RASL10B: variants seen among roughly 807,000 people sequenced by gnomAD.
The protein encoded by RASL10B is RAS like family 10 member B.
Under a neutral mutation model 20.7 loss-of-function variants are expected in RASL10B, and 10 were observed. The observed-to-expected ratio is 0.48, with a 90% CI of 0.30 to 0.82. RASL10B has a LOEUF of 0.82. Ranked by LOEUF, RASL10B falls within the 40% of genes least tolerant of loss-of-function variation. The pLI is 0.07. For missense variants in RASL10B, 231 were observed against 295.4 expected (o/e 0.78, Z 1.60); for synonymous variants, 110 against 123.3 (o/e 0.89, Z 0.72).
chr17:35,741,421 C>G lies in RASL10B; in HGVS notation c.*116C>G. On this transcript the variant is annotated 3_prime_UTR_variant, in exon 4 of 4. Coordinates refer to ENST00000603017, the MANE Select transcript of RASL10B (RefSeq NM_033315.4). ...GAACTGTGACGGTCCCGGCCTGAGGCCCCTGCAGCCACGCACCTCCCGGTG... is the reference window on the plus strand; with the variant it reads ...GAACTGTGACGGTCCCGGCCTGAGGGCCCTGCAGCCACGCACCTCCCGGTG... 7.5e-7 allele frequency: 1 copy of G among 1,325,534 alleles called. No individual in the cohort carries two copies. Among genetic ancestry groups the G allele is most frequent in the Non-Finnish European group, 9.7e-7 (1 of 1,031,362 alleles). 82.1% of individuals were successfully genotyped at this position (1,325,534 alleles called of 1,614,324 possible). A position where few individuals can be genotyped will look rare whatever the true frequency, so the allele number is the denominator to read the frequency against.
Position 35,742,074 on chromosome 17 carries a change from AC to A in RASL10B, c.*774del, listed in dbSNP as rs1242963502. 6.9e-6 allele frequency: 1 copy of A among 145,492 alleles called. No homozygotes were observed. The highest frequency in any genetic ancestry group is 1.5e-5 in the Non-Finnish European group (1 of 66,770). The allele number at this position is 145,492 out of a possible 1,614,324, so 9.0% of individuals were successfully genotyped here. A position where few individuals can be genotyped will look rare whatever the true frequency, so the allele number is the denominator to read the frequency against. On this transcript the variant is annotated 3_prime_UTR_variant, in exon 4 of 4. Transcript: ENST00000603017. ...CTCTTCCTGACCCCAAAGCCAGATC[AC>A]CCCCTGGGTTAAAACTTTTTTTCTT...
intron 2 of RASL10B, among the ~76,000 whole-genome samples, chr17:35,739,657 G>A (rs1293605834): frequency 2.0e-5 from 3 of 152,196 alleles, no homozygotes; most frequent in Admixed American, 6.5e-5. Context: ...TGAGGGCAGA[G>A]AGAAGCATAC....
At position 35,741,516 on chromosome 17, in the gene RASL10B, G is replaced by C. The variant is rs906151408; in HGVS notation, c.*211G>C. The C allele has an allele frequency of 1.4e-6, 1 of 698,174 alleles. No homozygotes were observed. The highest frequency in any genetic ancestry group is 2.1e-6 in the Non-Finnish European group (1 of 472,474). The allele number at this position is 698,174 out of a possible 1,614,324, so 43.2% of individuals were successfully genotyped here. A position where few individuals can be genotyped will look rare whatever the true frequency, so the allele number is the denominator to read the frequency against. ...GCCCCTTGCCCCCGTGGCTTCCTGG[G>C]ACAGCCGCCTTCAGTGCTGTATTTA... On this transcript the variant is annotated 3_prime_UTR_variant, in exon 4 of 4. Coordinates refer to ENST00000603017, the MANE Select transcript of RASL10B (RefSeq NM_033315.4).
intron 2 of RASL10B, among the ~76,000 whole-genome samples, chr17:35,738,109 T>C (rs2085606031): frequency 1.3e-5 from 2 of 152,294 alleles, no homozygotes; most frequent in South Asian, 4.1e-4. Context: ...ATTCTCCTTG[T>C]AGTCTCCATT....
In RASL10B at chr17:35,735,535, G is replaced by C; in HGVS notation, c.216+135G>C. 1.3e-6 allele frequency: 1 copy of C among 770,604 alleles called. No homozygotes were observed. Among genetic ancestry groups the C allele is most frequent in the Non-Finnish European group, 2.1e-6 (1 of 474,302 alleles). 47.7% of individuals were successfully genotyped at this position (770,604 alleles called of 1,614,324 possible). A position where few individuals can be genotyped will look rare whatever the true frequency, so the allele number is the denominator to read the frequency against. On this transcript the variant is annotated intron_variant, in intron 2 of 3. Coordinates refer to ENST00000603017, the MANE Select transcript of RASL10B (RefSeq NM_033315.4). The surrounding 1 kb of genome is among the most constrained non-coding windows in gnomAD (Gnocchi z 6.7). ...GTTTGGGAGCTCCACACTGCACCTT[G>C]GGCCACTCTGCTTAGAGCCGTTCCA...
chr17:35,740,596 G>C (rs1414590797), intron 3 of RASL10B, 63 bp downstream of exon 3: 2 of 1,578,636 alleles, frequency 1.3e-6, no homozygotes, highest in African/African-American at 1.3e-5. Context: ...GCCAGTCCCT[G>C]TGAAAAGGGC....
intron 1 of RASL10B, among the ~76,000 whole-genome samples, chr17:35,733,879 A>G (rs1262546393): frequency 2.6e-5 from 4 of 152,222 alleles, no homozygotes; most frequent in African/African-American, 9.6e-5. Context: ...ATGAATTCGT[A>G]TCAAGGCCCA....
Position 35,735,254 on chromosome 17 carries a change from T to C in RASL10B, c.70T>C (p.Phe24Leu). 6.2e-7 allele frequency: 1 copy of C among 1,613,726 alleles called. No homozygotes were observed. The highest frequency in any genetic ancestry group is 8.5e-7 in the Non-Finnish European group (1 of 1,180,016). ...GGGCAAGAGTGCCATCGTGCGCCAG[T>C]TCTTGTACAACGAGTTCAGCGAGGT... is the stretch of plus-strand genomic sequence containing the variant. ...GVGKSAIVRQ[F>L]LYNEFSEVCV... The change falls in exon 2 of 4, where the codon TTC (phenylalanine) becomes CTC (leucine). Residue 24 changes from phenylalanine (F) to leucine (L), a missense_variant. Phe to Leu is a conservative substitution (Grantham distance 22). Transcript: ENST00000603017. This position sits in a 1 kb window ranked among gnomAD's most constrained non-coding sequence, Gnocchi z 6.7.
intron 2 of RASL10B, 69 bp from the exon 3 acceptor site, chr17:35,740,340 G>A: frequency 6.3e-7 from 1 of 1,575,756 alleles, no homozygotes; most frequent in East Asian, 2.3e-5. Flanking sequence ...CCCTCTGATG[G>A]GAGGTGTTTG....
intron 2 of RASL10B, among the ~76,000 whole-genome samples, chr17:35,739,360 C>T (rs1466921055): frequency 1.3e-5 from 2 of 152,156 alleles, no homozygotes; most frequent in African/African-American, 4.8e-5. Flanking sequence ...TTCCTTTGTC[C>T]TTGGAGGCCT....
chr17:35,732,715 C>A (rs1380393376), intron 1 of RASL10B, among the ~76,000 whole-genome samples: 1 of 152,082 alleles, frequency 6.6e-6, no homozygotes, highest in African/African-American at 2.4e-5. Flanking sequence ...GTGTCCGCGA[C>A]AATCTGCAGG....
intron 2 of RASL10B, among the ~76,000 whole-genome samples, chr17:35,736,503 A>C (rs2085592839): frequency 6.6e-6 from 1 of 152,216 alleles, no homozygotes; most frequent in South Asian, 2.1e-4. Flanking sequence ...TGGGGTCAGG[A>C]GGAAAGATGG....
Position 35,735,123 on chromosome 17 carries a change from T to C in RASL10B, c.-62T>C. On this transcript the variant is annotated 5_prime_UTR_variant, in exon 2 of 4. Transcript: ENST00000603017. This position sits in a 1 kb window ranked among gnomAD's most constrained non-coding sequence, Gnocchi z 6.7. The stretch of plus-strand genomic sequence containing the variant: ...GTGGCTGAGCCCCCAGCCCCTGGAA[T>C]ATGCAGCCCGGGGGAGCCCCAGACA... The C allele has an allele frequency of 7.8e-6, 12 of 1,537,104 alleles. No homozygotes were observed. The highest frequency in any genetic ancestry group is 1.1e-5 in the Non-Finnish European group (12 of 1,128,300).
intron 1 of RASL10B, among the ~76,000 whole-genome samples, chr17:35,733,807 G>A (rs371521963): frequency 6.6e-6 from 1 of 152,252 alleles, no homozygotes. Flanking sequence ...ATGTGCAGAA[G>A]CATGGCTCCA....
At position 35,741,049 on chromosome 17, in the gene RASL10B, C is replaced by A. The variant is rs781912876; in HGVS notation, c.356C>A (p.Ser119Ter). 6.2e-7 allele frequency: 1 copy of A among 1,605,248 alleles called. No homozygotes were observed. ...TCGCCCCACAGGGTGATCGGAACCT[C>A]AGAGACGCCCATCATCATCGTGGGC... The part of the protein sequence containing the change: ...QILETRVIGT[S>*]ETPIIIVGNK... The change falls in exon 4 of 4, where the codon TCA becomes TAA. Residue 119 changes from serine (S) to a stop codon, truncating the protein, a stop_gained. Transcript: ENST00000603017. LOFTEE classifies it high-confidence loss of function.
At position 35,735,283 on chromosome 17, in the gene RASL10B, C is replaced by T. The variant is rs781797351; in HGVS notation, c.99C>T (p.Cys33=). 6 of 1,613,740 alleles carry T rather than the reference C, an allele frequency of 3.7e-6. No individual in the cohort carries two copies. Among genetic ancestry groups the T allele is most frequent in the South Asian group, 1.1e-5 (1 of 91,090 alleles). The change falls in exon 2 of 4, where the codon TGC becomes TGT. Residue 33 remains cysteine (C), a synonymous_variant. Transcript: ENST00000603017. This position sits in a 1 kb window ranked among gnomAD's most constrained non-coding sequence, Gnocchi z 6.7. ...TGTACAACGAGTTCAGCGAGGTCTG[C>T]GTCCCCACCACCGCCCGCCGCCTTT... ...QFLYNEFSEV[C]VPTTARRLYL... is the part of the protein sequence containing the mutation.
At chr17:35,734,141 C>T (rs909991892) in intron 1 of RASL10B, among the ~76,000 whole-genome samples, 7 of 152,208 alleles carry the variant, frequency 4.6e-5, no homozygotes, top group Non-Finnish European at 7.3e-5. Context: ...CCAAAATTAT[C>T]TGGGTGTGGT....
chr17:35,739,755 G>A (rs1046844099), intron 2 of RASL10B, among the ~76,000 whole-genome samples: 1 of 152,224 alleles, frequency 6.6e-6, no homozygotes, highest in African/African-American at 2.4e-5. Flanking sequence ...GAGCTCACCA[G>A]CCCAGGTAGT....
intron 1 of RASL10B, among the ~76,000 whole-genome samples, chr17:35,733,738 T>C (rs924989954): frequency 1.3e-5 from 2 of 152,266 alleles, no homozygotes; most frequent in Non-Finnish European, 2.9e-5. Context: ...CTCCTTTTCC[T>C]GGCTAAGAGA....
Sources: gnomAD v4.1 joint callset for allele counts (sites outside exome capture counted in the v4.1 genomes callset) on GRCh38, gnomAD v4.1.1 for gene constraint, Gnocchi (gnomAD v3.1) non-coding constraint, MANE v1.5 for transcripts, NCBI Gene and HGNC (gene_info 2026-07-23, HGNC 2026-07-21) for gene names.